EEFSEC: variants seen among roughly 807,000 people sequenced by gnomAD.
EEFSEC encodes the protein eukaryotic elongation factor, selenocysteine-tRNA specific, also known as selenocysteine-specific elongation factor.
In EEFSEC, 43 loss-of-function variants were observed where a neutral mutation model predicts 42.1. The ratio of observed to expected loss-of-function variants is 1.02; its 90% CI spans 0.80 to 1.32. The LOEUF (loss-of-function observed/expected upper bound fraction) is 1.32, where lower values mean the gene tolerates loss of function less well. Among genes scored for constraint, EEFSEC ranks in the 40% most tolerant of loss-of-function variants. EEFSEC has a pLI of 0.00. For missense variants in EEFSEC, 745 were observed against 803.6 expected (o/e 0.93, Z 0.88); for synonymous variants, 354 against 339.1 (o/e 1.04, Z -0.48).
intron 6 of EEFSEC, among the ~76,000 whole-genome samples, chr3:128,394,782 C>T (rs1303884559): frequency 6.6e-6 from 1 of 152,160 alleles, no homozygotes; most frequent in Non-Finnish European, 1.5e-5. Flanking sequence ...CTGGCCACAG[C>T]CTTTTCTTTC....
At chr3:128,296,789 C>T (rs1374027161) in intron 4 of EEFSEC, among the ~76,000 whole-genome samples, 1 of 152,176 alleles carries the variant, frequency 6.6e-6, no homozygotes, top group Non-Finnish European at 1.5e-5. Flanking sequence ...TGGATTTGTC[C>T]CAGTTGGCAT....
At chr3:128,382,285 G>A (rs938366683) in intron 6 of EEFSEC, among the ~76,000 whole-genome samples, 2 of 152,230 alleles carry the variant, frequency 1.3e-5, no homozygotes, top group Non-Finnish European at 2.9e-5. Flanking sequence ...ACCAAGCCCA[G>A]GGCAGACACG....
chr3:128,341,078 G>A, intron 4 of EEFSEC, among the ~76,000 whole-genome samples, 155 bp from the exon 5 acceptor site: 1 of 152,294 alleles, frequency 6.6e-6, no homozygotes, highest in East Asian at 1.9e-4. Context: ...CTCTGGTCCA[G>A]AAGAGTGTGC....
Position 128,234,712 on chromosome 3 carries a change from T to C in EEFSEC, c.317-12124T>C, listed in dbSNP as rs146279498. ...TCTAACTTGTAGATCAAAGCTAGCC[T>C]CTTGACAAGTTTCCTAATAGGACAG... On this transcript the variant is annotated intron_variant, in intron 1 of 6. Transcript: ENST00000254730. Among the ~76,000 whole-genome samples the C allele has an allele frequency of 3.6e-4, 55 of 152,352 alleles. No homozygotes were observed. In the East Asian group the frequency reaches 0.01, roughly 28 times the overall value.
intron 4 of EEFSEC, among the ~76,000 whole-genome samples, chr3:128,283,896 C>T (rs1162019092): frequency 6.6e-6 from 1 of 152,236 alleles, no homozygotes; most frequent in African/African-American, 2.4e-5. Context: ...GGAGATCCAA[C>T]ATCTTAACAT....
chr3:128,177,051 C>A (rs759983052), intron 1 of EEFSEC, among the ~76,000 whole-genome samples: 1 of 151,568 alleles, frequency 6.6e-6, no homozygotes. Flanking sequence ...GGCTGGAGTG[C>A]GGTAGCATGA....
chr3:128,160,800 A>ACG (rs954282091), intron 1 of EEFSEC, among the ~76,000 whole-genome samples: 1 of 151,902 alleles, frequency 6.6e-6, no homozygotes, highest in East Asian at 1.9e-4. Context: ...GCGCACACAC[A>ACG]CGCGCGCACA....
chr3:128,298,946 C>T (rs1355793797), intron 4 of EEFSEC, among the ~76,000 whole-genome samples: 1 of 152,114 alleles, frequency 6.6e-6, no homozygotes. Context: ...ACATATAGCA[C>T]ATTTTCTTTA....
intron 1 of EEFSEC, among the ~76,000 whole-genome samples, chr3:128,211,101 T>C (rs1029582479): frequency 6.6e-6 from 1 of 152,134 alleles, no homozygotes; most frequent in African/African-American, 2.4e-5. Flanking sequence ...GTTAATAATA[T>C]CCATTTTGCA....
downstream of EEFSEC, among the ~76,000 whole-genome samples, chr3:128,411,884 C>T (rs1165209726): frequency 3.3e-5 from 5 of 152,232 alleles, no homozygotes; most frequent in South Asian, 4.1e-4. Flanking sequence ...TGTGCGCACA[C>T]GGGCTTTGGT....
chr3:128,345,422 T>C (rs992448469), intron 5 of EEFSEC, among the ~76,000 whole-genome samples: 1 of 152,106 alleles, frequency 6.6e-6, no homozygotes, highest in African/African-American at 2.4e-5. Flanking sequence ...GGCTCATGGG[T>C]GTGGTTATCC....
In EEFSEC at chr3:128,363,218, G is replaced by A. The variant is rs113283020; in HGVS notation, c.1600+4845G>A. On this transcript the variant is annotated intron_variant, in intron 6 of 6. Coordinates refer to ENST00000254730, the MANE Select transcript of EEFSEC (RefSeq NM_021937.5). ...AGCACCTCGTTTCACTGCACAAGCA[G>A]ACCATTTCAAACCGCTCTGCTGCAT... Among the ~76,000 whole-genome samples, 195 of 152,344 alleles carry A rather than the reference G, an allele frequency of 1.3e-3. 2 individuals are homozygous for A. The South Asian group carries it at 0.029, about 22-fold the overall frequency.
intron 1 of EEFSEC, among the ~76,000 whole-genome samples, chr3:128,187,438 T>C (rs2065476710): frequency 6.6e-6 from 1 of 152,224 alleles, no homozygotes; most frequent in African/African-American, 2.4e-5. Context: ...GAATCCTTCT[T>C]GTAAACCCTC....
chr3:128,215,684 G>A (rs1448810274), intron 1 of EEFSEC, among the ~76,000 whole-genome samples: 1 of 152,166 alleles, frequency 6.6e-6, no homozygotes, highest in African/African-American at 2.4e-5. Flanking sequence ...AAGTTTGTGA[G>A]GACTAGCTTT....
chr3:128,348,634 G>A (rs2067345698), intron 5 of EEFSEC, among the ~76,000 whole-genome samples: 1 of 152,094 alleles, frequency 6.6e-6, no homozygotes, highest in Admixed American at 6.6e-5. Flanking sequence ...TCTGTTTATG[G>A]TTAGTGACTC....
chr3:128,414,962 G>A, the EEFSEC span, among the ~76,000 whole-genome samples: 1 of 152,180 alleles, frequency 6.6e-6, no homozygotes, highest in Admixed American at 6.5e-5. Context: ...TGATCGAGGG[G>A]AGGCCAGACT....
chr3:128,172,711 T>C (rs1053941026), intron 1 of EEFSEC, among the ~76,000 whole-genome samples: 1 of 152,226 alleles, frequency 6.6e-6, no homozygotes, highest in African/African-American at 2.4e-5. Flanking sequence ...GATTCTTGAT[T>C]GCAGACAAAC....
intron 4 of EEFSEC, among the ~76,000 whole-genome samples, chr3:128,275,062 C>T (rs2066453841): frequency 6.6e-6 from 1 of 152,138 alleles, no homozygotes; most frequent in Non-Finnish European, 1.5e-5. Flanking sequence ...CAGTCATTTC[C>T]TCCCTCTAGC....
intron 6 of EEFSEC, among the ~76,000 whole-genome samples, chr3:128,390,287 G>A (rs1201193044): frequency 6.6e-6 from 1 of 152,236 alleles, no homozygotes; most frequent in Non-Finnish European, 1.5e-5. Context: ...CTGTTAATGT[G>A]TACTATATAG....
Sources: allele counts gnomAD v4.1 joint callset (sites outside exome capture counted in the v4.1 genomes callset), GRCh38; gene constraint gnomAD v4.1.1; transcripts MANE v1.5; gene names NCBI Gene and HGNC (gene_info 2026-07-23, HGNC 2026-07-21).